The following ZRANB3 variants were observed in gnomAD, a reference collection of about 807,000 sequenced individuals.
The protein encoded by ZRANB3 is DNA annealing helicase and endonuclease ZRANB3.
ZRANB3 carries 125 observed loss-of-function variants against 133.8 expected under a neutral mutation model. The ratio of observed to expected loss-of-function variants is 0.93; its 90% CI spans 0.81 to 1.08. ZRANB3 has a LOEUF of 1.08. Among genes scored for constraint, ZRANB3 ranks in the 50% least tolerant of loss-of-function variants. The pLI is 0.00. For synonymous variants in ZRANB3, 387 were observed against 432.7 expected, an observed-to-expected ratio of 0.89 and a Z score of 1.31; for missense variants, 1,229 against 1,275.5, an observed-to-expected ratio of 0.96 and a Z score of 0.56.
intron 1 of ZRANB3, among the ~76,000 whole-genome samples, chr2:135,521,044 C>T (rs1232243871): frequency 1.3e-5 from 2 of 152,122 alleles, no homozygotes; most frequent in South Asian, 2.1e-4. Context: ...TTGAAATTCT[C>T]AAAACAACTC....
At chr2:135,300,992 C>T (rs1682399673) in intron 8 of ZRANB3, among the ~76,000 whole-genome samples, 1 of 151,998 alleles carries the variant, frequency 6.6e-6, no homozygotes, top group Non-Finnish European at 1.5e-5. Flanking sequence ...CCAGCCTAGT[C>T]TCAGTCAGAA....
chr2:135,313,639 T>C (rs767134112), intron 7 of ZRANB3, 34 bp from the exon 8 acceptor site: 1 of 1,380,244 alleles, frequency 7.2e-7, no homozygotes, highest in Non-Finnish European at 1.0e-6. Context: ...TTTATGAATA[T>C]AGCATAACGA....
intron 2 of ZRANB3, among the ~76,000 whole-genome samples, chr2:135,442,965 A>C (rs1020011028): frequency 1.3e-5 from 2 of 151,904 alleles, no homozygotes; most frequent in Non-Finnish European, 2.9e-5. Flanking sequence ...AAATACAAAA[A>C]ATTAGCCAGG....
intron 7 of ZRANB3, among the ~76,000 whole-genome samples, chr2:135,315,066 G>A (rs146980726): frequency 3.7e-4 from 57 of 152,114 alleles, no homozygotes; most frequent in African/African-American, 1.2e-3. Flanking sequence ...GTGCCTGGCC[G>A]ATATTTAGAA....
chr2:135,241,619 A>G (rs6720787), intron 12 of ZRANB3, among the ~76,000 whole-genome samples: 16,438 of 152,078 alleles, frequency 0.11, 1,133 homozygotes, highest in South Asian at 0.32. Context: ...GGCTAGCAGC[A>G]AGAAGATCTG....
At chr2:135,308,738 T>C (rs919587522) in intron 8 of ZRANB3, among the ~76,000 whole-genome samples, 1 of 152,140 alleles carries the variant, frequency 6.6e-6, no homozygotes, top group African/African-American at 2.4e-5. Flanking sequence ...AGTGCTGGGA[T>C]TACAGATGTA....
At chr2:135,233,551 G>A (rs1254214113) in intron 12 of ZRANB3, among the ~76,000 whole-genome samples, 4 of 152,030 alleles carry the variant, frequency 2.6e-5, no homozygotes, top group Admixed American at 2.6e-4. Flanking sequence ...GAGAAAGCTC[G>A]GGTTACCCAC....
chr2:135,336,749 C>T (rs1573932965), intron 6 of ZRANB3, among the ~76,000 whole-genome samples: 2 of 152,066 alleles, frequency 1.3e-5, no homozygotes, highest in East Asian at 3.9e-4. Context: ...TTTCTGTTGT[C>T]ATATGACAAG....
At chr2:135,232,038 C>T (rs1695046851) in intron 12 of ZRANB3, among the ~76,000 whole-genome samples, 1 of 152,152 alleles carries the variant, frequency 6.6e-6, no homozygotes. Flanking sequence ...ATTCCCTTTC[C>T]TAGTCAAAGA....
chr2:135,343,100 T>G (rs1428086622), intron 6 of ZRANB3, among the ~76,000 whole-genome samples: 1 of 141,024 alleles, frequency 7.1e-6, no homozygotes, highest in Non-Finnish European at 1.5e-5. Context: ...GCAGGAGAAC[T>G]GCTTGAACCC....
At chr2:135,342,163 T>G (rs1168970548) in intron 6 of ZRANB3, among the ~76,000 whole-genome samples, 1 of 149,650 alleles carries the variant, frequency 6.7e-6, no homozygotes, top group Non-Finnish European at 1.5e-5. Flanking sequence ...GACACCCAGC[T>G]TTAAAATTTC....
At chr2:135,525,191 G>A (rs1003788855) in intron 1 of ZRANB3, among the ~76,000 whole-genome samples, 5 of 152,160 alleles carry the variant, frequency 3.3e-5, no homozygotes, top group African/African-American at 9.6e-5. Flanking sequence ...GACAGCAACA[G>A]GCTACACAAA....
chr2:135,522,712 C>T (rs1694000045), intron 1 of ZRANB3, among the ~76,000 whole-genome samples: 1 of 151,336 alleles, frequency 6.6e-6, no homozygotes, highest in East Asian at 1.9e-4. Flanking sequence ...GACTCCATCT[C>T]AAAAGAAAAA....
At chr2:135,303,582 T>A (rs974202426) in intron 8 of ZRANB3, among the ~76,000 whole-genome samples, 1 of 152,172 alleles carries the variant, frequency 6.6e-6, no homozygotes, top group Admixed American at 6.5e-5. Context: ...TAACTTCTTA[T>A]TAAGTATTTA....
intron 17 of ZRANB3, 27 bp downstream of exon 17, chr2:135,217,437 AC>A: frequency 1.3e-6 from 2 of 1,568,792 alleles, no homozygotes; most frequent in Non-Finnish European, 1.7e-6. Flanking sequence ...GTAATATAAT[AC>A]AAAATTTAAA....
intron 1 of ZRANB3, among the ~76,000 whole-genome samples, chr2:135,525,618 C>T (rs1275282452): frequency 2.6e-5 from 4 of 152,254 alleles, no homozygotes; most frequent in South Asian, 2.1e-4. Flanking sequence ...GAGGCTGAGG[C>T]GGGCGGATCA....
chr2:135,270,936 A>G lies in ZRANB3; in HGVS notation c.1206+832T>C, dbSNP rs144268378. On this transcript the variant is annotated intron_variant, in intron 10 of 20. Coordinates refer to ENST00000264159, the MANE Select transcript of ZRANB3 (RefSeq NM_032143.4). Reference sequence around the variant, plus strand: ...CTTACCTACTGTGGCAGAGACTGCCATTACTTTCCCTAATATCTATCCTTC... The same window carrying G: ...CTTACCTACTGTGGCAGAGACTGCCGTTACTTTCCCTAATATCTATCCTTC... 3.0e-3 allele frequency among the ~76,000 whole-genome samples: 451 copies of G among 152,344 alleles called. 3 individuals are homozygous for G. Among genetic ancestry groups the G allele is most frequent in the African/African-American group, 0.01 (419 of 41,582 alleles).
At chr2:135,400,619 T>C (rs1687694116) in intron 2 of ZRANB3, among the ~76,000 whole-genome samples, 1 of 152,246 alleles carries the variant, frequency 6.6e-6, no homozygotes, top group East Asian at 1.9e-4. Flanking sequence ...CTTTTGGCAC[T>C]GTACCAGAAA....
At chr2:135,449,484 G>C (rs1258621123) in intron 2 of ZRANB3, among the ~76,000 whole-genome samples, 2 of 152,126 alleles carry the variant, frequency 1.3e-5, no homozygotes, top group Non-Finnish European at 2.9e-5. Context: ...GCCAAGTGTG[G>C]TGGTGGGCAC....
Sources: allele counts gnomAD v4.1 joint callset (sites outside exome capture counted in the v4.1 genomes callset), GRCh38; gene constraint gnomAD v4.1.1; transcripts MANE v1.5; gene names NCBI Gene and HGNC (gene_info 2026-07-23, HGNC 2026-07-21).